Variants in ADGRL3 observed in about 807,000 individuals in gnomAD.
ADGRL3 encodes adhesion G protein-coupled receptor L3.
Under a neutral mutation model 153.5 loss-of-function variants are expected in ADGRL3, and 62 were observed. The ratio of observed to expected loss-of-function variants is 0.40; its 90% confidence interval spans 0.33 to 0.50. The LOEUF (loss-of-function observed/expected upper bound fraction) is 0.50, where lower values mean the gene tolerates loss of function less well. ADGRL3 is among the 20% of genes least tolerant of loss of function. ADGRL3 has a pLI of 0.47. For synonymous variants in ADGRL3, 710 were observed against 672.5 expected (o/e 1.06, Z -0.86); for missense variants, 1,641 against 1,859.4 (o/e 0.88, Z 2.16).
At chr4:61,401,267 G>A (rs985520168) in intron 2 of ADGRL3, among the ~76,000 whole-genome samples, 1 of 151,726 alleles carries the variant, frequency 6.6e-6, no homozygotes, top group Non-Finnish European at 1.5e-5. Context: ...TAGAATACTG[G>A]ATCTATTAAA....
intron 1 of ADGRL3, among the ~76,000 whole-genome samples, chr4:61,261,181 ATCTTCT>A (rs76929618): frequency 8.6e-6 from 1 of 115,818 alleles, no homozygotes; most frequent in East Asian, 2.6e-4. Flanking sequence ...GTTCTTTTTC[ATCTTCT>A]TCTTTTTTTT....
At chr4:61,367,432 C>T (rs1461898009) in intron 1 of ADGRL3, among the ~76,000 whole-genome samples, 1 of 151,544 alleles carries the variant, frequency 6.6e-6, no homozygotes, top group Non-Finnish European at 1.5e-5. Flanking sequence ...ATTCCCCTTC[C>T]TGTGTCCATG....
At chr4:61,691,540 C>T (rs1299953979) in intron 6 of ADGRL3, among the ~76,000 whole-genome samples, 2 of 152,104 alleles carry the variant, frequency 1.3e-5, no homozygotes, top group Admixed American at 6.6e-5. Flanking sequence ...TCAAGACAAA[C>T]CCTTACCTCA....
At chr4:61,488,161 C>T (rs1461246798) in intron 2 of ADGRL3, among the ~76,000 whole-genome samples, 2 of 152,032 alleles carry the variant, frequency 1.3e-5, no homozygotes, top group African/African-American at 2.4e-5. Flanking sequence ...TGTTTCTAAA[C>T]ATTAATAGAC....
chr4:61,490,698 G>A, intron 2 of ADGRL3, among the ~76,000 whole-genome samples: 1 of 146,590 alleles, frequency 6.8e-6, no homozygotes, highest in Non-Finnish European at 1.5e-5. Context: ...CCTCAATATT[G>A]AAAAAAAAAA....
At chr4:61,745,077 T>A (rs2096637575) in intron 8 of ADGRL3, among the ~76,000 whole-genome samples, 1 of 152,074 alleles carries the variant, frequency 6.6e-6, no homozygotes, top group South Asian at 2.1e-4. Flanking sequence ...TGCAGAAGCC[T>A]CAGGAGCCAA....
intron 8 of ADGRL3, among the ~76,000 whole-genome samples, chr4:61,808,109 TTACTC>T (rs1288663130): frequency 2.0e-4 from 30 of 152,074 alleles, no homozygotes; most frequent in Non-Finnish European, 3.5e-4. Flanking sequence ...GTCCATTACT[TTACTC>T]ACCTCAGTTA....
chr4:61,373,966 A>C (rs1297720622), intron 1 of ADGRL3, among the ~76,000 whole-genome samples: 5 of 152,186 alleles, frequency 3.3e-5, no homozygotes, highest in Admixed American at 6.5e-5. Flanking sequence ...TAATGTCCTC[A>C]AAAGGCAGAG....
chr4:61,355,117 T>C (rs906783771), intron 1 of ADGRL3, among the ~76,000 whole-genome samples: 1 of 152,100 alleles, frequency 6.6e-6, no homozygotes, highest in African/African-American at 2.4e-5. Flanking sequence ...GTGGGTGATG[T>C]TACACAAGAC....
At chr4:61,215,213 T>G (rs994559551) in intron 1 of ADGRL3, among the ~76,000 whole-genome samples, 1 of 152,216 alleles carries the variant, frequency 6.6e-6, no homozygotes, top group African/African-American at 2.4e-5. Context: ...ATCAATATTT[T>G]GTTTAAATCT....
At chr4:61,317,192 G>A (rs866539983) in intron 1 of ADGRL3, among the ~76,000 whole-genome samples, 1 of 152,146 alleles carries the variant, frequency 6.6e-6, no homozygotes, top group Non-Finnish European at 1.5e-5. Flanking sequence ...TAAAAACCTT[G>A]AGGCCTGGAT....
At position 61,350,179 on chromosome 4, in the gene ADGRL3, C is replaced by T. The variant is rs539379383; in HGVS notation, c.-239-32945C>T. ...TCAGTTAGAGAAAATAATTGGAAAT[C>T]TTGATATCCTTGAGCATAAACCCAT... On this transcript the variant is annotated intron_variant, in intron 1 of 26. Coordinates refer to ENST00000683033, the MANE Select transcript of ADGRL3 (RefSeq NM_001387552.1). 3.3e-5 allele frequency among the ~76,000 whole-genome samples: 5 copies of T among 152,148 alleles called. No individual in the cohort carries two copies. In the East Asian group the frequency reaches 9.7e-4, roughly 29 times the overall value.
At chr4:61,654,041 T>A (rs1208659493) in intron 5 of ADGRL3, among the ~76,000 whole-genome samples, 1 of 152,200 alleles carries the variant, frequency 6.6e-6, no homozygotes, top group Non-Finnish European at 1.5e-5. Flanking sequence ...TTTTTTAAGA[T>A]ATTTTGGGCT....
At chr4:61,914,541 G>C (rs1315733410) in intron 13 of ADGRL3, among the ~76,000 whole-genome samples, 4 of 152,068 alleles carry the variant, frequency 2.6e-5, no homozygotes, top group Non-Finnish European at 5.9e-5. Context: ...TAATACATGG[G>C]AGGGGGAACT....
chr4:61,245,560 A>G (rs910367906), intron 1 of ADGRL3, among the ~76,000 whole-genome samples: 11 of 152,002 alleles, frequency 7.2e-5, no homozygotes, highest in African/African-American at 2.7e-4. Flanking sequence ...CCCACATGCA[A>G]TTACTGGAGG....
At position 61,201,381 on chromosome 4, in the gene ADGRL3, A is replaced by C. The variant is rs1734627456; in HGVS notation, c.-624A>C. ...CTGCTGGAGACAGAGCCTGACTCCG[A>C]AGTTGTGCAACTGTGGACTGGGAGA... On this transcript the variant is annotated 5_prime_UTR_variant, in exon 1 of 27. Transcript: ENST00000683033. 2 of 152,662 alleles carry C rather than the reference A, an allele frequency of 1.3e-5. No individual in the cohort carries two copies. The allele number at this position is 152,662 out of a possible 1,614,324, so 9.5% of individuals were successfully genotyped here. A position where few individuals can be genotyped will look rare whatever the true frequency, so the allele number is the denominator to read the frequency against.
chr4:61,561,978 C>T (rs2098796950), intron 4 of ADGRL3, among the ~76,000 whole-genome samples: 1 of 151,904 alleles, frequency 6.6e-6, no homozygotes, highest in African/African-American at 2.4e-5. Context: ...TAGGAATTCA[C>T]ATATCTATAT....
chr4:61,767,315 T>A (rs967522540), intron 8 of ADGRL3, among the ~76,000 whole-genome samples: 5 of 151,052 alleles, frequency 3.3e-5, no homozygotes, highest in East Asian at 2.0e-4. Context: ...AAAGGAGTGC[T>A]TAAAAGAGTA....
intron 3 of ADGRL3, among the ~76,000 whole-genome samples, chr4:61,502,149 T>C (rs906666464): frequency 6.6e-6 from 1 of 152,074 alleles, no homozygotes; most frequent in African/African-American, 2.4e-5. Flanking sequence ...AACCCAGTAA[T>C]AACGTAGGTA....
Sources: gnomAD v4.1 joint callset for allele counts (sites outside exome capture counted in the v4.1 genomes callset) on GRCh38, gnomAD v4.1.1 for gene constraint, MANE v1.5 for transcripts, NCBI Gene and HGNC (gene_info 2026-07-23, HGNC 2026-07-21) for gene names.